The following FAM107B variants were observed in gnomAD, a reference collection of about 807,000 sequenced individuals.
The protein encoded by FAM107B is family with sequence similarity 107 member B, also known as protein FAM107B.
Under a neutral mutation model 31.5 loss-of-function variants are expected in FAM107B, and 21 were observed. That is an observed-to-expected ratio of 0.67 (90% CI 0.47 to 0.96). The LOEUF is 0.96. Ranked by LOEUF, FAM107B falls within the 40% of genes least tolerant of loss-of-function variation. The pLI, the probability that FAM107B is intolerant of heterozygous loss-of-function variation, is 0.00. For synonymous variants in FAM107B, 157 were observed against 141.5 expected, an observed-to-expected ratio of 1.11 and a Z score of -0.78; for missense variants, 452 against 377.1, an observed-to-expected ratio of 1.20 and a Z score of -1.64.
chr10:14,548,604 G>A, intron 2 of FAM107B: 1 of 985,492 alleles, frequency 1.0e-6, no homozygotes, highest in Non-Finnish European at 1.2e-6. Flanking sequence ...AGGGAAGGCA[G>A]AGACAGCCCC....
At chr10:14,743,658 G>T (rs561676620) in intron 1 of FAM107B, among the ~76,000 whole-genome samples, 27 of 152,268 alleles carry the variant, frequency 1.8e-4, no homozygotes, top group Admixed American at 1.7e-3. Context: ...AAGATCAGAT[G>T]GTTGTAGATG....
chr10:14,566,862 G>A (rs111975676), intron 2 of FAM107B, among the ~76,000 whole-genome samples: 48 of 152,252 alleles, frequency 3.2e-4, no homozygotes, highest in Admixed American at 4.6e-4. Flanking sequence ...GGTTTACATC[G>A]GAGGTGGGGC....
chr10:14,767,356 T>C (rs535773966), intron 1 of FAM107B, among the ~76,000 whole-genome samples: 4 of 151,822 alleles, frequency 2.6e-5, no homozygotes, highest in African/African-American at 9.7e-5. Flanking sequence ...CCTCCCGAAG[T>C]CCTGGGATTA....
intron 2 of FAM107B, among the ~76,000 whole-genome samples, chr10:14,641,464 C>A (rs1236165399): frequency 6.6e-6 from 1 of 152,172 alleles, no homozygotes; most frequent in East Asian, 1.9e-4. Flanking sequence ...GTCTGGGTGG[C>A]TTAAACAACG....
At position 14,623,870 on chromosome 10, in the gene FAM107B, G is replaced by A. The variant is rs372387408; in HGVS notation, c.469+43764C>T. Among the ~76,000 whole-genome samples, 139 of 152,224 alleles carry A rather than the reference G, an allele frequency of 9.1e-4. 1 individual carries two copies. The highest frequency in any genetic ancestry group is 3.4e-3 in the Middle Eastern group (1 of 294). ...CACACTTGGGCTATGTATCTTAAAGGCATATGAAACAACTCATTTTCCTTA... is the reference window on the plus strand; with the variant it reads ...CACACTTGGGCTATGTATCTTAAAGACATATGAAACAACTCATTTTCCTTA... On this transcript the variant is annotated intron_variant, in intron 2 of 4. Transcript: ENST00000181796.
At chr10:14,684,190 G>A (rs565436731) in intron 1 of FAM107B, among the ~76,000 whole-genome samples, 1 of 152,278 alleles carries the variant, frequency 6.6e-6, no homozygotes, top group African/African-American at 2.4e-5. Flanking sequence ...AGTGGCTCAC[G>A]CCTAGTAATC....
At chr10:14,620,442 G>C (rs758793669) in intron 2 of FAM107B, among the ~76,000 whole-genome samples, 1 of 151,952 alleles carries the variant, frequency 6.6e-6, no homozygotes, top group African/African-American at 2.4e-5. Flanking sequence ...ATCTAACTTT[G>C]TTGTTCTCCA....
At chr10:14,624,363 T>C (rs1381105489) in intron 2 of FAM107B, among the ~76,000 whole-genome samples, 1 of 152,054 alleles carries the variant, frequency 6.6e-6, no homozygotes, top group East Asian at 1.9e-4. Context: ...CATCTCAAAA[T>C]CAAAAGAACT....
At chr10:14,551,381 G>T (rs1849248586) in intron 2 of FAM107B, among the ~76,000 whole-genome samples, 1 of 152,118 alleles carries the variant, frequency 6.6e-6, no homozygotes, top group Non-Finnish European at 1.5e-5. Context: ...CTGACCTCAG[G>T]TGATCTGCCC....
At chr10:14,752,555 G>T (rs1832851110) in intron 1 of FAM107B, among the ~76,000 whole-genome samples, 3 of 152,182 alleles carry the variant, frequency 2.0e-5, no homozygotes, top group Non-Finnish European at 4.4e-5. Flanking sequence ...AGTGAACCAC[G>T]CTGTGGAGTT....
At chr10:14,599,369 C>A (rs1273638705) in intron 2 of FAM107B, among the ~76,000 whole-genome samples, 1 of 152,218 alleles carries the variant, frequency 6.6e-6, no homozygotes, top group Non-Finnish European at 1.5e-5. Context: ...ACACCCCAGT[C>A]TCTCTGCCAC....
At chr10:14,553,581 G>GAA (rs1420278545) in intron 2 of FAM107B, 1 of 312,632 alleles carries the variant, frequency 3.2e-6, no homozygotes, top group African/African-American at 2.2e-5. Flanking sequence ...CACCACACAG[G>GAA]AAACTGGGCA....
At chr10:14,622,723 T>A (rs1226110999) in intron 2 of FAM107B, among the ~76,000 whole-genome samples, 2 of 152,208 alleles carry the variant, frequency 1.3e-5, no homozygotes, top group African/African-American at 4.8e-5. Context: ...GGTCAGTTAA[T>A]CAGAACAGGA....
chr10:14,642,478 T>A (rs1174595651), intron 2 of FAM107B, among the ~76,000 whole-genome samples: 2 of 152,236 alleles, frequency 1.3e-5, no homozygotes, highest in African/African-American at 2.4e-5. Context: ...TACTTTCTCA[T>A]CTAGTGAAAT....
At chr10:14,540,827 TG>T (rs1295106548) in intron 2 of FAM107B, among the ~76,000 whole-genome samples, 1 of 152,182 alleles carries the variant, frequency 6.6e-6, no homozygotes, top group Non-Finnish European at 1.5e-5. Context: ...CACGATTTAT[TG>T]AAGGCCTCTG....
intron 2 of FAM107B, among the ~76,000 whole-genome samples, chr10:14,638,174 T>C (rs889875803): frequency 6.6e-6 from 1 of 152,214 alleles, no homozygotes; most frequent in Non-Finnish European, 1.5e-5. Context: ...AAATTATTAC[T>C]CTGGTTTTCA....
chr10:14,544,931 C>G (rs1285348510), intron 2 of FAM107B, among the ~76,000 whole-genome samples: 2 of 152,138 alleles, frequency 1.3e-5, no homozygotes, highest in Non-Finnish European at 2.9e-5. Flanking sequence ...TGTACAAATG[C>G]ACAGCATGGT....
chr10:14,566,824 G>T (rs1020716195), intron 2 of FAM107B, among the ~76,000 whole-genome samples: 1 of 152,230 alleles, frequency 6.6e-6, no homozygotes, highest in Non-Finnish European at 1.5e-5. Context: ...ACTTGTAAAT[G>T]CTCATGAGAA....
intron 1 of FAM107B, among the ~76,000 whole-genome samples, chr10:14,732,876 T>A (rs111459115): frequency 0.041 from 6,068 of 146,682 alleles, 214 homozygotes; most frequent in African/African-American, 0.1. Flanking sequence ...TAATATTATA[T>A]AATACAATTA....
Sources: gnomAD v4.1 joint callset for allele counts (sites outside exome capture counted in the v4.1 genomes callset) on GRCh38, gnomAD v4.1.1 for gene constraint, MANE v1.5 for transcripts, NCBI Gene and HGNC (gene_info 2026-07-23, HGNC 2026-07-21) for gene names.